Variants in TEPSIN observed in about 807,000 individuals in gnomAD.
TEPSIN encodes TEPSIN adaptor related protein complex 4 accessory protein.
TEPSIN carries 50 observed loss-of-function variants against 48.5 expected under a neutral mutation model. The ratio of observed to expected loss-of-function variants is 1.03; its 90% CI spans 0.82 to 1.31. The LOEUF (loss-of-function observed/expected upper bound fraction) is 1.31. TEPSIN is among the 50% of genes most tolerant of loss of function. The pLI is 0.00. For missense variants in TEPSIN, 838 were observed against 815.9 expected (o/e 1.03, Z -0.33); for synonymous variants, 392 against 358.8 (o/e 1.09, Z -1.05).
intron 4 of TEPSIN, 32 bp downstream of exon 4, chr17:81,236,676 G>C: frequency 6.5e-7 from 1 of 1,544,814 alleles, no homozygotes; most frequent in Non-Finnish European, 8.8e-7. Flanking sequence ...CAAAGCCCTG[G>C]CTCTTCCTGA....
Position 81,229,376 on chromosome 17 carries a change from A to G in TEPSIN, c.1334T>C (p.Leu445Pro). ...PTAALPGPSD[L>P]LTDAVPLPGS... ...AGGGAGAGGCACAGCGTCGGTCAGC[A>G]GGTCAGATGGGCCTGGGAGGGCGGC... The change falls in exon 13 of 13, where the codon CTG becomes CCG. Residue 445 changes from leucine (L) to proline (P), a missense_variant. Transcript: ENST00000637944. The G allele has an allele frequency of 1.3e-6, 2 of 1,556,416 alleles. No individual in the cohort carries two copies. The highest frequency in any genetic ancestry group is 1.2e-5 in the South Asian group (1 of 84,456).
intron 7 of TEPSIN, chr17:81,232,722 C>T: frequency 1.8e-6 from 1 of 568,780 alleles, no homozygotes; most frequent in Non-Finnish European, 3.1e-6. Flanking sequence ...TCCCAGTGGG[C>T]CTGGACACCA....
Position 81,236,778 on chromosome 17 carries a change from C to T in TEPSIN, c.237G>A (p.Leu79=). ...GGAAGAAGGAGGAGCCGTGGCTGCA[C>T]AGATAGAGCAGGATCTTCAGCACCT... ...KLKVLKILLY[L]CSHGSSFFLL... Residue 79 remains leucine (L), a synonymous_variant, in exon 4 of 13, where the codon CTG becomes CTA. Transcript: ENST00000637944. 1 of 1,569,522 alleles carries T rather than the reference C, an allele frequency of 6.4e-7. No homozygotes were observed. Among genetic ancestry groups the T allele is most frequent in the South Asian group, 1.2e-5 (1 of 85,374 alleles).
rs746879969 is a variant in TEPSIN at position 81,231,871 on chromosome 17, C to T, written c.881G>A (p.Arg294Gln). ...CCTTTCTGCCAGGTCACCCGGCTCC[C>T]GGCTGGCCCCTGAATGGCTGTCGCT... is the stretch of plus-strand genomic sequence containing the variant. The part of the protein sequence containing the change: ...SGSDSHSGAS[R>Q]EPGDLAERVE... Residue 294 changes from arginine (R) to glutamine (Q), a missense_variant, in exon 9 of 13, where the codon CGG (arginine) becomes CAG (glutamine). Coordinates refer to ENST00000637944, the MANE Select transcript of TEPSIN (RefSeq NM_001363764.2). 1.9e-5 allele frequency: 31 copies of T among 1,613,422 alleles called. No individual in the cohort carries two copies. Among genetic ancestry groups the T allele is most frequent in the African/African-American group, 2.7e-5 (2 of 74,916 alleles).
In TEPSIN at chr17:81,237,435, A is replaced by G. The variant is rs1428069716; in HGVS notation, c.73T>C (p.Ser25Pro). The G allele has an allele frequency of 6.2e-7, 1 of 1,611,186 alleles. No individual in the cohort carries two copies. The highest frequency in any genetic ancestry group is 2.2e-5 in the East Asian group (1 of 44,872). ...HRLPILLKGTSDDDVPCPGYL... is the reference protein window; with the variant it reads ...HRLPILLKGTPDDDVPCPGYL... ...CCCGGACACGGGACATCATCATCGG[A>G]CGTCCCCTTCAGGAGAATCGGGAGC... The change falls in exon 2 of 13, where the codon TCC (serine) becomes CCC (proline). Residue 25 changes from serine (S) to proline (P), a missense_variant. By Grantham distance (74) the Ser-to-Pro change is moderately conservative. Coordinates refer to ENST00000637944, the MANE Select transcript of TEPSIN (RefSeq NM_001363764.2).
chr17:81,233,558 C>G lies in TEPSIN; in HGVS notation c.455-55G>C, dbSNP rs1415814137. On this transcript the variant is annotated intron_variant, in intron 6 of 12. Transcript: ENST00000637944. The surrounding 1 kb of genome is among the most constrained non-coding windows in gnomAD (Gnocchi z 5.8). ...CGGCCCCCACCCTCGGCCCTGCCCA[C>G]GGATGGCACAGACACCCAGGACACT... 2 of 1,563,184 alleles carry G rather than the reference C, an allele frequency of 1.3e-6. No individual in the cohort carries two copies. The highest frequency in any genetic ancestry group is 4.5e-5 in the East Asian group (2 of 43,966).
Position 81,234,120 on chromosome 17 carries a change from C to T in TEPSIN, c.308-72G>A. The T allele has an allele frequency of 7.2e-7, 1 of 1,379,824 alleles. No individual in the cohort carries two copies. 85.5% of individuals were successfully genotyped at this position (1,379,824 alleles called of 1,614,324 possible). ...CGCTGCTCCCTGTGGAGCACGGTGC[C>T]CTGGGCCCACTCCAGGGTGGCAAGT... On this transcript the variant is annotated intron_variant, in intron 4 of 12. Coordinates refer to ENST00000637944, the MANE Select transcript of TEPSIN (RefSeq NM_001363764.2). The surrounding 1 kb of genome is among the most constrained non-coding windows in gnomAD (Gnocchi z 5.4).
chr17:81,236,474 G>A (rs1435857582), intron 4 of TEPSIN, among the ~76,000 whole-genome samples: 3 of 152,334 alleles, frequency 2.0e-5, no homozygotes, highest in East Asian at 1.9e-4. Flanking sequence ...AGGACCCAGC[G>A]GAGGGAGGGG....
intron 7 of TEPSIN, 57 bp from the exon 8 acceptor site, chr17:81,232,575 C>T (rs1424595189): frequency 6.8e-7 from 1 of 1,472,934 alleles, no homozygotes; most frequent in Admixed American, 2.2e-5. Flanking sequence ...CACCCGCGTT[C>T]TCTGGGAGCA....
rs1394967130 is a variant in TEPSIN at position 81,238,605 on chromosome 17, C to T, written c.48+381G>A. On this transcript the variant is annotated intron_variant, in intron 1 of 12. Transcript: ENST00000637944. ...GGACCGGAGTCCTCTGAAACGCCAC[C>T]GTCAGGGAGGACGGCGGGCTGCCAG... is the stretch of plus-strand genomic sequence containing the variant. 3.6e-6 allele frequency: 4 copies of T among 1,100,968 alleles called. No individual in the cohort carries two copies. In the African/African-American group the frequency reaches 4.9e-5, roughly 14 times the overall value. 68.2% of individuals were successfully genotyped at this position (1,100,968 alleles called of 1,614,324 possible).
In TEPSIN at chr17:81,236,728, G is replaced by A. The variant is rs561300155; in HGVS notation, c.287C>T (p.Ala96Val). 48 of 1,568,220 alleles carry A rather than the reference G, an allele frequency of 3.1e-5. No individual in the cohort carries two copies. The South Asian group carries it at 5.4e-4, about 18-fold the overall frequency. The change falls in exon 4 of 13, where the codon GCC becomes GTC. Residue 96 changes from alanine to valine, a missense_variant. Physicochemically the swap from Ala to Val is moderately conservative, Grantham distance 64. Transcript: ENST00000637944. Reference sequence around the variant, plus strand: ...TGTACCTGCAGCTTCCTGGATGAAGGCAGAGTTGCGTTTGAGGATGAGCAG... The same window carrying A: ...TGTACCTGCAGCTTCCTGGATGAAGACAGAGTTGCGTTTGAGGATGAGCAG... ...FFLLILKRNSAFIQEAAAFAG... is the reference protein window; with the variant it reads ...FFLLILKRNSVFIQEAAAFAG...
Position 81,234,138 on chromosome 17 carries a change from T to C in TEPSIN, c.308-90A>G. ...ACGGTGCCCTGGGCCCACTCCAGGG[T>C]GGCAAGTTCCTGCCACCAAGGCCCT... is the stretch of plus-strand genomic sequence containing the variant. On this transcript the variant is annotated intron_variant, in intron 4 of 12. Coordinates refer to ENST00000637944, the MANE Select transcript of TEPSIN (RefSeq NM_001363764.2). The surrounding 1 kb of genome is among the most constrained non-coding windows in gnomAD (Gnocchi z 5.4). 5 of 1,241,962 alleles carry C rather than the reference T, an allele frequency of 4.0e-6. No individual in the cohort carries two copies. Among genetic ancestry groups the C allele is most frequent in the Non-Finnish European group, 5.4e-6 (5 of 923,716 alleles). The allele number at this position is 1,241,962 out of a possible 1,614,324, so 76.9% of individuals were successfully genotyped here. A position where few individuals can be genotyped will look rare whatever the true frequency, so the allele number is the denominator to read the frequency against.
rs1487745755 is a variant in TEPSIN, at chr17:81,229,057, C to G, written c.1653G>C (p.Val551=). The G allele has an allele frequency of 6.2e-7, 1 of 1,613,488 alleles. No homozygotes were observed. Among genetic ancestry groups the G allele is most frequent in the East Asian group, 2.2e-5 (1 of 44,884 alleles). ...GMELVACPRL[V]GAGAAAGESC... The stretch of plus-strand genomic sequence containing the variant: ...ACTCTCCCGCAGCAGCCCCAGCCCC[C>G]ACCAGGCGGGGACAGGCCACCAGCT... Residue 551 remains valine, a synonymous_variant, in exon 13 of 13, where the codon GTG becomes GTC. Transcript: ENST00000637944.
Position 81,228,634 on chromosome 17 carries a change from C to T in TEPSIN, c.*294G>A. ...GAAATAAGGAACCTGGTAGTCGCTTCCGCATTCATACAAGAAACCTCATGT... is the reference window on the plus strand; with the variant it reads ...GAAATAAGGAACCTGGTAGTCGCTTTCGCATTCATACAAGAAACCTCATGT... On this transcript the variant is annotated 3_prime_UTR_variant, in exon 13 of 13. Coordinates refer to ENST00000637944, the MANE Select transcript of TEPSIN (RefSeq NM_001363764.2). 4.1e-6 allele frequency: 2 copies of T among 486,028 alleles called. No homozygotes were observed. Among genetic ancestry groups the T allele is most frequent in the Non-Finnish European group, 3.6e-6 (1 of 277,146 alleles). The allele number at this position is 486,028 out of a possible 1,614,324, so 30.1% of individuals were successfully genotyped here.
At chr17:81,238,800 C>T in intron 1 of TEPSIN, 186 bp downstream of exon 1, 3 of 1,322,832 alleles carry the variant, frequency 2.3e-6, no homozygotes, top group Non-Finnish European at 1.9e-6. Flanking sequence ...GAAGGCCCGG[C>T]TTGGAAGGCC....
Position 81,234,076 on chromosome 17 carries a change from G to A in TEPSIN, c.308-28C>T, listed in dbSNP as rs576042578. On this transcript the variant is annotated intron_variant, in intron 4 of 12. Coordinates refer to ENST00000637944, the MANE Select transcript of TEPSIN (RefSeq NM_001363764.2). The surrounding 1 kb of genome is among the most constrained non-coding windows in gnomAD (Gnocchi z 5.4). ...GCAGAACAGAAAAGGCAAGTCGGGG[G>A]CAGGGCTGAGCCTGGCACCGCTGCT... is the stretch of plus-strand genomic sequence containing the variant. 6 of 1,557,156 alleles carry A rather than the reference G, an allele frequency of 3.9e-6. No individual in the cohort carries two copies. The highest frequency in any genetic ancestry group is 2.3e-5 in the East Asian group (1 of 43,350).
intron 4 of TEPSIN, among the ~76,000 whole-genome samples, chr17:81,235,319 G>A (rs1162963006): frequency 1.3e-5 from 2 of 152,140 alleles, no homozygotes; most frequent in African/African-American, 2.4e-5. Context: ...CGCTCTGCGC[G>A]CGTGGGGCAG....
rs2062510049 is a variant in TEPSIN at position 81,228,396 on chromosome 17, A to AT, written c.*531_*532insA. The AT allele has an allele frequency of 1.2e-5, 2 of 170,748 alleles. No homozygotes were observed. The highest frequency in any genetic ancestry group is 4.8e-5 in the African/African-American group (2 of 41,536). The allele number at this position is 170,748 out of a possible 1,614,324, so 10.6% of individuals were successfully genotyped here. ...CGTGTGTAGGAAGCAATTACAGCCT[A>AT]AAGGAGCAGGTGAGAGCCAGGGAAG... is the stretch of plus-strand genomic sequence containing the variant. On this transcript the variant is annotated 3_prime_UTR_variant, in exon 13 of 13. Transcript: ENST00000637944.
intron 8 of TEPSIN, 30 bp from the exon 9 acceptor site, chr17:81,232,051 C>T: frequency 6.3e-7 from 1 of 1,594,652 alleles, no homozygotes; most frequent in Non-Finnish European, 8.5e-7. Flanking sequence ...CGGTGAGATC[C>T]CTGGGGCTTC....
Sources: allele counts gnomAD v4.1 joint callset (sites outside exome capture counted in the v4.1 genomes callset), GRCh38; gene constraint gnomAD v4.1.1; non-coding constraint Gnocchi (gnomAD v3.1); transcripts MANE v1.5; gene names NCBI Gene and HGNC (gene_info 2026-07-23, HGNC 2026-07-21).